NLGN1: variants seen among roughly 807,000 people sequenced by gnomAD.
NLGN1 encodes neuroligin-1.
NLGN1 carries 12 observed loss-of-function variants against 65.5 expected under a neutral mutation model. That is an observed-to-expected ratio of 0.18 (90% CI 0.12 to 0.30). The LOEUF is 0.30. Among genes scored for constraint, NLGN1 ranks in the 10% least tolerant of loss-of-function variants. The pLI, the probability that NLGN1 is intolerant of heterozygous loss-of-function variation, is 1.00. For missense variants in NLGN1, 750 were observed against 1,007.1 expected (o/e 0.74, Z 3.46); for synonymous variants, 350 against 359.5 (o/e 0.97, Z 0.30).
At chr3:173,499,148 G>A (rs972704558) in intron 2 of NLGN1, among the ~76,000 whole-genome samples, 10 of 151,554 alleles carry the variant, frequency 6.6e-5, no homozygotes, top group African/African-American at 2.4e-4. Flanking sequence ...GTCCTGAATG[G>A]TATTGCCTAG....
At chr3:173,446,066 T>G (rs2148819596) in intron 2 of NLGN1, among the ~76,000 whole-genome samples, 1 of 152,118 alleles carries the variant, frequency 6.6e-6, no homozygotes, top group East Asian at 1.9e-4. Flanking sequence ...TTTTCTTTTT[T>G]TTTTTACTAT....
chr3:173,823,555 A>G (rs892192310), intron 4 of NLGN1, among the ~76,000 whole-genome samples: 3 of 152,216 alleles, frequency 2.0e-5, no homozygotes, highest in Admixed American at 1.3e-4. Context: ...TAAACAATAC[A>G]GTTGTGCATA....
At chr3:173,927,354 C>T (rs936439195) in intron 4 of NLGN1, among the ~76,000 whole-genome samples, 2 of 152,192 alleles carry the variant, frequency 1.3e-5, no homozygotes, top group African/African-American at 4.8e-5. Flanking sequence ...AGCCGCCATG[C>T]CCAGCCAAAT....
intron 4 of NLGN1, among the ~76,000 whole-genome samples, chr3:173,854,409 A>G (rs1408081312): frequency 6.6e-6 from 1 of 152,036 alleles, no homozygotes; most frequent in Non-Finnish European, 1.5e-5. Context: ...CTATATAAAA[A>G]TTATAAAGAA....
intron 2 of NLGN1, among the ~76,000 whole-genome samples, chr3:173,517,750 TTATCTATCTATCTATCTATC>T (rs368708618): frequency 1.7e-4 from 25 of 147,132 alleles, no homozygotes; most frequent in African/African-American, 6.3e-4. Context: ...TTTCGCAAAT[TTATCTATCTATCTATCTATC>T]TATCTATCTA....
intron 4 of NLGN1, among the ~76,000 whole-genome samples, chr3:173,829,814 C>G (rs1164854281): frequency 6.6e-6 from 1 of 152,122 alleles, no homozygotes; most frequent in African/African-American, 2.4e-5. Context: ...CCCTTGCCTT[C>G]CAAAAGTTGA....
At chr3:173,759,972 T>C (rs999350393) in intron 3 of NLGN1, among the ~76,000 whole-genome samples, 2 of 152,110 alleles carry the variant, frequency 1.3e-5, no homozygotes, top group East Asian at 3.9e-4. Flanking sequence ...GGTAGTTAGT[T>C]GTAACATTCA....
chr3:174,274,805 A>T (rs1750206252), intron 4 of NLGN1, among the ~76,000 whole-genome samples: 1 of 151,520 alleles, frequency 6.6e-6, no homozygotes, highest in Admixed American at 6.6e-5. Context: ...ATATAATTTC[A>T]TGGAGTTTAC....
In NLGN1 at chr3:174,124,392, A is replaced by G. The variant is rs183746813; in HGVS notation, c.647-150923A>G. 3.2e-4 allele frequency among the ~76,000 whole-genome samples: 48 copies of G among 151,880 alleles called. No homozygotes were observed. The East Asian group carries it at 7.2e-3, about 23-fold the overall frequency. ...TTTTGTACAAGCCTGATACTAATTT[A>G]TGGGAATACATTGGCACTGATAAAT... is the stretch of plus-strand genomic sequence containing the variant. On this transcript the variant is annotated intron_variant, in intron 4 of 6. Transcript: ENST00000457714.
intron 4 of NLGN1, among the ~76,000 whole-genome samples, chr3:174,087,112 G>A (rs1014827264): frequency 6.6e-6 from 1 of 152,094 alleles, no homozygotes; most frequent in Non-Finnish European, 1.5e-5. Flanking sequence ...ACACACTGGA[G>A]CCCACTTGAG....
intron 4 of NLGN1, among the ~76,000 whole-genome samples, chr3:173,881,349 G>A (rs1013632347): frequency 3.7e-4 from 56 of 150,568 alleles, no homozygotes; most frequent in Non-Finnish European, 6.6e-4. Context: ...CACCTGCCTC[G>A]GCCTCCCAAA....
At chr3:173,542,681 A>G (rs1316594776) in intron 2 of NLGN1, among the ~76,000 whole-genome samples, 1 of 151,902 alleles carries the variant, frequency 6.6e-6, no homozygotes, top group Non-Finnish European at 1.5e-5. Context: ...TGTGCGGGGT[A>G]TTTTACAGTA....
chr3:174,217,821 C>A (rs1442131399), intron 4 of NLGN1, among the ~76,000 whole-genome samples: 1 of 151,906 alleles, frequency 6.6e-6, no homozygotes, highest in Non-Finnish European at 1.5e-5. Context: ...GACAGACAAT[C>A]CTTGTTCAAA....
chr3:174,113,911 G>A (rs1027437432), intron 4 of NLGN1, among the ~76,000 whole-genome samples: 8 of 152,004 alleles, frequency 5.3e-5, no homozygotes, highest in Non-Finnish European at 8.8e-5. Context: ...TAGTTACGAC[G>A]GAAATCTTTG....
rs1333141276 is a variant in NLGN1, at chr3:174,272,659, A to C, written c.647-2656A>C. The stretch of plus-strand genomic sequence containing the variant: ...TTCAGATGATGATATGGATGGATGG[A>C]TGGATGGATAGATAGATAGATAGAT... On this transcript the variant is annotated intron_variant, in intron 4 of 6. Coordinates refer to ENST00000457714, the Ensembl canonical transcript of NLGN1. Among the ~76,000 whole-genome samples the C allele has an allele frequency of 2.5e-5, 3 of 121,672 alleles. No homozygotes were observed. The South Asian group carries it at 8.5e-4, about 34-fold the overall frequency. The allele number at this position is 121,672 out of a possible 152,430, so 79.8% of individuals were successfully genotyped here.
At chr3:173,744,941 C>G (rs1775151788) in intron 3 of NLGN1, among the ~76,000 whole-genome samples, 1 of 152,078 alleles carries the variant, frequency 6.6e-6, no homozygotes, top group South Asian at 2.1e-4. Flanking sequence ...TCCGCACTGT[C>G]AACTTCAGTT....
chr3:173,644,329 T>G (rs1488879779), intron 3 of NLGN1: 1 of 157,482 alleles, frequency 6.3e-6, no homozygotes, highest in African/African-American at 2.4e-5. Context: ...GAGTCCATGA[T>G]GAACTTGAAC....
chr3:173,797,680 A>C (rs1714409085), intron 3 of NLGN1, among the ~76,000 whole-genome samples: 1 of 77,732 alleles, frequency 1.3e-5, no homozygotes. Flanking sequence ...AACAAAAAAT[A>C]AAACAACAAC....
chr3:173,772,055 A>C (rs753324735), intron 3 of NLGN1, among the ~76,000 whole-genome samples: 1 of 152,062 alleles, frequency 6.6e-6, no homozygotes, highest in South Asian at 2.1e-4. Flanking sequence ...GACGGAACAA[A>C]ACCCAGGGCA....
Sources: gnomAD v4.1 joint callset for allele counts (sites outside exome capture counted in the v4.1 genomes callset) on GRCh38, gnomAD v4.1.1 for gene constraint, MANE v1.5 for transcripts, NCBI Gene and HGNC (gene_info 2026-07-23, HGNC 2026-07-21) for gene names.